MIPOL1: variants seen among roughly 807,000 people sequenced by gnomAD.
MIPOL1 encodes mirror-image polydactyly gene 1 protein.
In MIPOL1, 57 loss-of-function variants were observed where a neutral mutation model predicts 60.9. That is an observed-to-expected ratio of 0.94 (90% CI 0.76 to 1.17). MIPOL1 has a LOEUF of 1.17. Ranked by LOEUF, MIPOL1 falls within the 50% of genes most tolerant of loss-of-function variation. The pLI is 0.00. For missense variants in MIPOL1, 551 were observed against 511.6 expected (o/e 1.08, Z -0.74); for synonymous variants, 179 against 168.8 (o/e 1.06, Z -0.47).
chr14:37,435,347 CCTTTA>C (rs1439673135), intron 11 of MIPOL1, among the ~76,000 whole-genome samples: 1 of 152,134 alleles, frequency 6.6e-6, no homozygotes, highest in Non-Finnish European at 1.5e-5. Flanking sequence ...TGAGTCTGTT[CCTTTA>C]CTTTGTTCAA....
At chr14:37,542,055 T>C (rs2095531828) in intron 12 of MIPOL1, among the ~76,000 whole-genome samples, 2 of 152,352 alleles carry the variant, frequency 1.3e-5, no homozygotes, top group South Asian at 4.1e-4. Context: ...GTTTTCACTT[T>C]TTCACATTCC....
At chr14:37,530,942 C>CG (rs1189341182) in intron 12 of MIPOL1, among the ~76,000 whole-genome samples, 2 of 151,862 alleles carry the variant, frequency 1.3e-5, no homozygotes, top group Non-Finnish European at 2.9e-5. Flanking sequence ...CTCAGCCCCC[C>CG]GAGTAGCTGA....
intron 1 of MIPOL1, among the ~76,000 whole-genome samples, chr14:37,231,916 C>T (rs1222294777): frequency 1.3e-5 from 2 of 151,360 alleles, no homozygotes; most frequent in Non-Finnish European, 2.9e-5. Flanking sequence ...CGTATCTCTA[C>T]AAAAAATTTT....
intron 9 of MIPOL1, among the ~76,000 whole-genome samples, chr14:37,361,690 C>T (rs181983926): frequency 0.01 from 1,436 of 143,030 alleles, 12 homozygotes; most frequent in Non-Finnish European, 0.014. Flanking sequence ...AATGCAAGCT[C>T]CGCCTTCCCC....
At chr14:37,455,386 A>G (rs1042898450) in intron 11 of MIPOL1, among the ~76,000 whole-genome samples, 2 of 152,070 alleles carry the variant, frequency 1.3e-5, no homozygotes, top group African/African-American at 4.8e-5. Flanking sequence ...CTCTTTCTTG[A>G]CTGCCATTTA....
At chr14:37,369,232 A>G (rs149866094) in intron 9 of MIPOL1, among the ~76,000 whole-genome samples, 2 of 152,210 alleles carry the variant, frequency 1.3e-5, no homozygotes, top group East Asian at 1.9e-4. Context: ...CAAAGAAGTA[A>G]ATAATTTTAA....
chr14:37,348,842 T>G (rs1259049732), intron 9 of MIPOL1, among the ~76,000 whole-genome samples: 1 of 149,642 alleles, frequency 6.7e-6, no homozygotes, highest in African/African-American at 2.5e-5. Context: ...TTTTTTTTTT[T>G]TTTTGGACAG....
At chr14:37,456,065 T>C (rs2094473522) in intron 11 of MIPOL1, among the ~76,000 whole-genome samples, 1 of 151,888 alleles carries the variant, frequency 6.6e-6, no homozygotes, top group Non-Finnish European at 1.5e-5. Flanking sequence ...GAATCCTTGG[T>C]CTTATCAATA....
intron 11 of MIPOL1, among the ~76,000 whole-genome samples, chr14:37,480,741 C>T (rs934369236): frequency 1.3e-5 from 2 of 151,974 alleles, no homozygotes; most frequent in African/African-American, 4.8e-5. Context: ...AAAAGTCATT[C>T]AAATAGGAAA....
chr14:37,291,847 G>A (rs1393720503), intron 7 of MIPOL1, among the ~76,000 whole-genome samples: 1 of 151,298 alleles, frequency 6.6e-6, no homozygotes, highest in Non-Finnish European at 1.5e-5. Context: ...TAAGAGAGGA[G>A]CCTAGTGGCC....
chr14:37,514,565 AT>A (rs1423698135), intron 12 of MIPOL1, among the ~76,000 whole-genome samples: 2 of 152,088 alleles, frequency 1.3e-5, no homozygotes, highest in Admixed American at 1.3e-4. Context: ...TGTTGTCTCT[AT>A]TATTAAACAC....
Position 37,525,028 on chromosome 14 carries a change from T to C in MIPOL1, c.1263-21877T>C, listed in dbSNP as rs76535761. On this transcript the variant is annotated intron_variant, in intron 12 of 12. Coordinates refer to ENST00000684589, the MANE Select transcript of MIPOL1 (RefSeq NM_001388067.1). Reference sequence around the variant, plus strand: ...GCGAAATAAGAATAAAAGGGGTCCTTAAATAATGAAAGGATAGAAGATGAA... The same window carrying C: ...GCGAAATAAGAATAAAAGGGGTCCTCAAATAATGAAAGGATAGAAGATGAA... 7.0e-3 allele frequency among the ~76,000 whole-genome samples: 1,062 copies of C among 152,300 alleles called. 11 individuals carry two copies. Among genetic ancestry groups the C allele is most frequent in the African/African-American group, 0.025 (1,024 of 41,568 alleles).
At chr14:37,297,952 C>CTACTT (rs779322879) in intron 7 of MIPOL1, among the ~76,000 whole-genome samples, 1 of 150,190 alleles carries the variant, frequency 6.7e-6, no homozygotes, top group Admixed American at 6.6e-5. Context: ...CTGGAAAAAA[C>CTACTT]TAAAGTTCAT....
At chr14:37,552,172 A>G (rs1283234122), downstream of MIPOL1, 1 of 152,096 alleles carries the variant, frequency 6.6e-6, no homozygotes, top group Admixed American at 6.5e-5. Flanking sequence ...CAAAAATTCT[A>G]TAAACTGGTG....
At chr14:37,361,285 A>G (rs977403221) in intron 9 of MIPOL1, among the ~76,000 whole-genome samples, 10 of 152,124 alleles carry the variant, frequency 6.6e-5, no homozygotes, top group Admixed American at 3.9e-4. Flanking sequence ...TGAGAAGAAT[A>G]TGTATTCTGT....
chr14:37,535,394 C>G (rs1416547577), intron 12 of MIPOL1, among the ~76,000 whole-genome samples: 6 of 152,114 alleles, frequency 3.9e-5, no homozygotes, highest in Non-Finnish European at 8.8e-5. Context: ...TGCTGAATTT[C>G]AAGGTGTGAA....
intron 11 of MIPOL1, among the ~76,000 whole-genome samples, chr14:37,498,418 C>T (rs2095165804): frequency 6.6e-6 from 1 of 151,886 alleles, no homozygotes. Flanking sequence ...TTCTTTCTTT[C>T]TTTCTTGCAT....
chr14:37,223,749 C>T lies in MIPOL1; in HGVS notation c.-198-23354C>T, dbSNP rs551532950. On this transcript the variant is annotated intron_variant, in intron 1 of 12. Coordinates refer to ENST00000684589, the MANE Select transcript of MIPOL1 (RefSeq NM_001388067.1). Reference sequence around the variant, plus strand: ...CTCCTGACCTCAGGAGATCTGCCCACCTCGGTCCCCCAGAGTGCTGGGATT... The same window carrying T: ...CTCCTGACCTCAGGAGATCTGCCCATCTCGGTCCCCCAGAGTGCTGGGATT... Among the ~76,000 whole-genome samples, 7 of 152,294 alleles carry T rather than the reference C, an allele frequency of 4.6e-5. No individual in the cohort carries two copies. The South Asian group carries it at 1.4e-3, about 32-fold the overall frequency.
In MIPOL1 at chr14:37,350,513, T is replaced by G. The variant is rs567194514; in HGVS notation, c.829-19004T>G. Among the ~76,000 whole-genome samples, 10 of 152,264 alleles carry G rather than the reference T, an allele frequency of 6.6e-5. No individual in the cohort carries two copies. The South Asian group carries it at 2.1e-3, about 32-fold the overall frequency. On this transcript the variant is annotated intron_variant, in intron 9 of 12. Coordinates refer to ENST00000684589, the MANE Select transcript of MIPOL1 (RefSeq NM_001388067.1). ...TATATTTGTAAGGTACATGAAGTGT[T>G]TTGATATAGGCATGCAATAATCTTG...
Sources: allele counts gnomAD v4.1 joint callset (sites outside exome capture counted in the v4.1 genomes callset), GRCh38; gene constraint gnomAD v4.1.1; transcripts MANE v1.5; gene names NCBI Gene and HGNC (gene_info 2026-07-23, HGNC 2026-07-21).